SDK1: variants seen among roughly 807,000 people sequenced by gnomAD.
The protein encoded by SDK1 is sidekick cell adhesion molecule 1.
Under a neutral mutation model 245.5 loss-of-function variants are expected in SDK1, and 157 were observed. That is an observed-to-expected ratio of 0.64 (90% CI 0.56 to 0.73). The LOEUF (loss-of-function observed/expected upper bound fraction) is 0.73, where lower values mean the gene tolerates loss of function less well. Among genes scored for constraint, SDK1 ranks in the 30% least tolerant of loss-of-function variants. The probability of loss-of-function intolerance (pLI) is 0.00; values close to 1 mark genes in which losing one functional copy is unlikely to be tolerated. For synonymous variants in SDK1, 1,647 were observed against 1,278.5 expected (o/e 1.29, Z -6.15); for missense variants, 3,583 against 3,002.3 (o/e 1.19, Z -4.52).
chr7:4,116,249 C>G (rs1269706222), intron 25 of SDK1, among the ~76,000 whole-genome samples: 4 of 152,168 alleles, frequency 2.6e-5, no homozygotes, highest in Admixed American at 6.5e-5. Context: ...ACCCCCTCAC[C>G]TCTTCCTAAT....
chr7:3,429,494 C>G lies in SDK1; in HGVS notation c.298+127610C>G, dbSNP rs114755368. 6.4e-3 allele frequency among the ~76,000 whole-genome samples: 966 copies of G among 151,980 alleles called. 11 individuals are homozygous for G. Among genetic ancestry groups the G allele is most frequent in the African/African-American group, 0.022 (917 of 41,454 alleles). On this transcript the variant is annotated intron_variant, in intron 1 of 44. Coordinates refer to ENST00000404826, the MANE Select transcript of SDK1 (RefSeq NM_152744.4). Reference sequence around the variant, plus strand: ...AAAGAAGGATATTTGGGGAGTGCATCTCTCATTTTTGATCTTGCATGTTGT... The same window carrying G: ...AAAGAAGGATATTTGGGGAGTGCATGTCTCATTTTTGATCTTGCATGTTGT...
At chr7:3,583,117 T>C (rs1780565031) in intron 1 of SDK1, among the ~76,000 whole-genome samples, 1 of 152,198 alleles carries the variant, frequency 6.6e-6, no homozygotes, top group Non-Finnish European at 1.5e-5. Context: ...GAGGTATCGG[T>C]GTCAACACTC....
intron 1 of SDK1, among the ~76,000 whole-genome samples, chr7:3,355,210 C>A (rs1272775730): frequency 6.6e-6 from 1 of 152,010 alleles, no homozygotes; most frequent in Admixed American, 6.6e-5. Flanking sequence ...TGAAACTAGA[C>A]CTAAAGTTCT....
At chr7:3,541,043 T>A (rs1171269140) in intron 1 of SDK1, among the ~76,000 whole-genome samples, 1 of 152,216 alleles carries the variant, frequency 6.6e-6, no homozygotes, top group Non-Finnish European at 1.5e-5. Flanking sequence ...AAGAACAGAT[T>A]TCCAAAGTGT....
rs150856554 is a variant in SDK1, at chr7:3,724,936, T to A, written c.713+82831T>A. Among the ~76,000 whole-genome samples, 1,223 of 152,336 alleles carry A rather than the reference T, an allele frequency of 8.0e-3. 16 individuals are homozygous for A. Among genetic ancestry groups the A allele is most frequent in the African/African-American group, 0.028 (1,157 of 41,566 alleles). ...GGAAATACAATTCCTGGCTGGGGTTTAAATGTGTATTTTAGAAATGAAAAT... is the reference window on the plus strand; with the variant it reads ...GGAAATACAATTCCTGGCTGGGGTTAAAATGTGTATTTTAGAAATGAAAAT... On this transcript the variant is annotated intron_variant, in intron 4 of 44. Coordinates refer to ENST00000404826, the MANE Select transcript of SDK1 (RefSeq NM_152744.4).
chr7:4,089,612 C>A lies in SDK1; in HGVS notation c.3324+10028C>A, dbSNP rs1781660898. ...CCTCCCTGGGCTGTCTCTGAGTGTCCAGGGCAGGGAAGCTCCGTCACGTGG... is the reference window on the plus strand; with the variant it reads ...CCTCCCTGGGCTGTCTCTGAGTGTCAAGGGCAGGGAAGCTCCGTCACGTGG... On this transcript the variant is annotated intron_variant, in intron 22 of 44. Coordinates refer to ENST00000404826, the MANE Select transcript of SDK1 (RefSeq NM_152744.4). Among the ~76,000 whole-genome samples, 3 of 152,188 alleles carry A rather than the reference C, an allele frequency of 2.0e-5. No homozygotes were observed. The South Asian group carries it at 6.2e-4, about 32-fold the overall frequency.
intron 4 of SDK1, among the ~76,000 whole-genome samples, chr7:3,812,578 G>C (rs963450209): frequency 1.3e-5 from 2 of 152,284 alleles, no homozygotes; most frequent in African/African-American, 4.8e-5. Flanking sequence ...TCCTAGAAAA[G>C]GATGCCCGCG....
intron 5 of SDK1, among the ~76,000 whole-genome samples, chr7:3,858,178 C>T (rs1339238149): frequency 1.3e-5 from 2 of 152,112 alleles, no homozygotes; most frequent in Admixed American, 6.5e-5. Context: ...AATGGCTACA[C>T]CTCCAAGATA....
chr7:3,813,218 G>A (rs955753804), intron 4 of SDK1, among the ~76,000 whole-genome samples: 10 of 146,100 alleles, frequency 6.8e-5, no homozygotes, highest in South Asian at 2.2e-4. Context: ...CCACTAACTC[G>A]TCATCTAGCA....
intron 1 of SDK1, among the ~76,000 whole-genome samples, chr7:3,583,939 G>A (rs1780599595): frequency 6.6e-6 from 1 of 152,164 alleles, no homozygotes; most frequent in African/African-American, 2.4e-5. Context: ...TCCCGTATCA[G>A]CAGACCAGGA....
chr7:3,865,118 A>T (rs1413766396), intron 5 of SDK1, among the ~76,000 whole-genome samples: 1 of 152,188 alleles, frequency 6.6e-6, no homozygotes, highest in Non-Finnish European at 1.5e-5. Context: ...AAGGAAGGGC[A>T]TGTCATACCC....
rs573813580 is a variant in SDK1 at position 4,191,206 on chromosome 7, G to T, written c.5098+12620G>T. On this transcript the variant is annotated intron_variant, in intron 35 of 44. Transcript: ENST00000404826. ...CCTCATGGCCCCCAGGCCCTCCCCC[G>T]CCGCAGTCACGGTGGGTGTCCTCCT... Among the ~76,000 whole-genome samples, 8 of 151,180 alleles carry T rather than the reference G, an allele frequency of 5.3e-5. No individual in the cohort carries two copies. The South Asian group carries it at 1.7e-3, about 32-fold the overall frequency.
At chr7:4,138,946 C>T (rs1420730609) in intron 28 of SDK1, among the ~76,000 whole-genome samples, 1 of 152,218 alleles carries the variant, frequency 6.6e-6, no homozygotes, top group Admixed American at 6.5e-5. Flanking sequence ...CTTTCTGTGG[C>T]TGCCGGAGCC....
chr7:3,762,886 A>G (rs931282208), intron 4 of SDK1, among the ~76,000 whole-genome samples: 1 of 152,220 alleles, frequency 6.6e-6, no homozygotes, highest in African/African-American at 2.4e-5. Context: ...GAGGTTGCCT[A>G]CAGGTTTTTA....
intron 1 of SDK1, among the ~76,000 whole-genome samples, chr7:3,469,681 A>G (rs1434517290): frequency 6.6e-6 from 1 of 152,102 alleles, no homozygotes; most frequent in Non-Finnish European, 1.5e-5. Flanking sequence ...TTACTTAAGG[A>G]TTTTCTGAGC....
chr7:3,731,300 A>G (rs1779170980), intron 4 of SDK1, among the ~76,000 whole-genome samples: 1 of 152,162 alleles, frequency 6.6e-6, no homozygotes, highest in Non-Finnish European at 1.5e-5. Flanking sequence ...AAAACATACA[A>G]GTGCTTCTAC....
chr7:3,834,972 C>G (rs891481244), intron 5 of SDK1, among the ~76,000 whole-genome samples: 4 of 152,140 alleles, frequency 2.6e-5, no homozygotes, highest in African/African-American at 9.7e-5. Flanking sequence ...CTCCTCGTCC[C>G]AAGATGTGAG....
Position 3,895,157 on chromosome 7 carries a change from A to G in SDK1, c.848-55766A>G, listed in dbSNP as rs925235517. Among the ~76,000 whole-genome samples, 4 of 152,244 alleles carry G rather than the reference A, an allele frequency of 2.6e-5. No homozygotes were observed. The South Asian group carries it at 8.3e-4, about 31-fold the overall frequency. ...GGAGGATATCATTGCAGTTCAAGAA[A>G]GAAATCATAAGTAGTAATTAAGGGG... On this transcript the variant is annotated intron_variant, in intron 5 of 44. Transcript: ENST00000404826.
At chr7:3,678,559 A>G (rs560512610) in intron 4 of SDK1, among the ~76,000 whole-genome samples, 1 of 152,250 alleles carries the variant, frequency 6.6e-6, no homozygotes, top group African/African-American at 2.4e-5. Context: ...TTTCACTTAC[A>G]TGAGGTCTCT....
Sources: allele counts gnomAD v4.1 joint callset (sites outside exome capture counted in the v4.1 genomes callset), GRCh38; gene constraint gnomAD v4.1.1; transcripts MANE v1.5; gene names NCBI Gene and HGNC (gene_info 2026-07-23, HGNC 2026-07-21).